Variants in NDUFAF6 observed in about 807,000 individuals in gnomAD.
NDUFAF6 encodes the protein NADH:ubiquinone oxidoreductase complex assembly factor 6.
In NDUFAF6, 45 loss-of-function variants were observed where a neutral mutation model predicts 40.8. The ratio of observed to expected loss-of-function variants is 1.10; its 90% CI spans 0.87 to 1.42. The LOEUF (loss-of-function observed/expected upper bound fraction) is 1.42, where lower values mean the gene tolerates loss of function less well. Ranked by LOEUF, NDUFAF6 falls within the 40% of genes most tolerant of loss-of-function variation. The pLI is 0.00. For missense variants in NDUFAF6, 435 were observed against 418.5 expected (o/e 1.04, Z -0.34); for synonymous variants, 185 against 155.9 (o/e 1.19, Z -1.39).
downstream of NDUFAF6, among the ~76,000 whole-genome samples, chr8:95,104,830 T>C (rs1190804607): frequency 1.3e-5 from 2 of 152,102 alleles, no homozygotes; most frequent in African/African-American, 2.4e-5. Flanking sequence ...CTACATTGGT[T>C]GGTCAGCACT....
At chr8:94,915,187 G>C (rs1038360341) in intron 1 of NDUFAF6, among the ~76,000 whole-genome samples, 3 of 151,866 alleles carry the variant, frequency 2.0e-5, no homozygotes, top group African/African-American at 7.3e-5. Flanking sequence ...CTGAGCTCAA[G>C]TGATCCTCCC....
intron 3 of NDUFAF6, among the ~76,000 whole-genome samples, chr8:95,037,351 C>T (rs1829622177): frequency 6.6e-6 from 1 of 152,196 alleles, no homozygotes; most frequent in Admixed American, 6.5e-5. Context: ...CAGCTTCAGC[C>T]TTGAGTAAAT....
upstream of NDUFAF6, among the ~76,000 whole-genome samples, chr8:95,024,228 T>A (rs1827831227): frequency 6.6e-6 from 1 of 152,204 alleles, no homozygotes; most frequent in South Asian, 2.1e-4. Flanking sequence ...ATTTTGAATG[T>A]TTGGATCTTA....
In NDUFAF6 at chr8:95,035,554, C is replaced by T. The variant is rs906392027; in HGVS notation, c.398C>T (p.Pro133Leu). ...DIYCDNPPHQ[P>L]VAIELWKAVK... is the part of the protein sequence containing the mutation. Reference sequence around the variant, plus strand: ...TACTGTGACAATCCACCACATCAGCCTGTGGCCATTGAACTATGGAAGGTA... The same window carrying T: ...TACTGTGACAATCCACCACATCAGCTTGTGGCCATTGAACTATGGAAGGTA... The change falls in exon 3 of 9, where the codon CCT becomes CTT. Residue 133 changes from proline to leucine, a missense_variant. Coordinates refer to ENST00000396124, the MANE Select transcript of NDUFAF6 (RefSeq NM_152416.4). 1.2e-6 allele frequency: 2 copies of T among 1,609,278 alleles called. No homozygotes were observed. Among genetic ancestry groups the T allele is most frequent in the African/African-American group, 2.7e-5 (2 of 73,450 alleles).
At chr8:95,028,706 A>G (rs1018511413) in intron 1 of NDUFAF6, among the ~76,000 whole-genome samples, 6 of 152,184 alleles carry the variant, frequency 3.9e-5, no homozygotes, top group Non-Finnish European at 5.9e-5. Context: ...ATTGGGAAAT[A>G]GACAGGAGTG....
intron 2 of NDUFAF6, among the ~76,000 whole-genome samples, chr8:95,101,462 C>A (rs1170688985): frequency 6.6e-6 from 1 of 152,178 alleles, no homozygotes; most frequent in Non-Finnish European, 1.5e-5. Context: ...GCGCTCACAG[C>A]TGGGCAGGAC....
intron 2 of NDUFAF6, among the ~76,000 whole-genome samples, chr8:95,091,632 A>G (rs979173408): frequency 6.6e-6 from 1 of 151,318 alleles, no homozygotes; most frequent in African/African-American, 2.4e-5. Context: ...AAATAACTCA[A>G]TTGTTCATCT....
downstream of NDUFAF6, among the ~76,000 whole-genome samples, chr8:95,077,470 C>G (rs1291171452): frequency 6.6e-6 from 1 of 152,218 alleles, no homozygotes. Flanking sequence ...ATAGGAACGT[C>G]TACAACGTGG....
chr8:94,940,769 G>T, intron 1 of NDUFAF6: 1 of 1,284,108 alleles, frequency 7.8e-7, no homozygotes, highest in South Asian at 1.3e-5. Context: ...TGCAAAAACT[G>T]AGATGCAAGT....
intron 1 of NDUFAF6, among the ~76,000 whole-genome samples, chr8:94,914,002 G>A (rs1818954852): frequency 1.3e-5 from 2 of 152,114 alleles, no homozygotes; most frequent in South Asian, 4.1e-4. Flanking sequence ...ATATTGGCCA[G>A]GCTGGTCTTG....
chr8:95,082,395 G>A (rs932588091), intron 2 of NDUFAF6, among the ~76,000 whole-genome samples: 3 of 152,234 alleles, frequency 2.0e-5, no homozygotes, highest in African/African-American at 7.2e-5. Context: ...TGGGATGGGA[G>A]GGTGTGAGGA....
chr8:94,935,746 C>G (rs564329478), intron 1 of NDUFAF6, among the ~76,000 whole-genome samples: 18 of 152,224 alleles, frequency 1.2e-4, no homozygotes, highest in African/African-American at 4.1e-4. Context: ...GATTGGAGAA[C>G]ATAAAAATGC....
At chr8:95,100,666 ACGC>A (rs2132075913) in intron 1 of NDUFAF6, 2 of 152,338 alleles carry the variant, frequency 1.3e-5, no homozygotes, top group South Asian at 4.1e-4. Context: ...TGGCTAAATG[ACGC>A]AGCTTCCAGT....
At chr8:94,961,504 C>T (rs1335712599) in intron 1 of NDUFAF6, among the ~76,000 whole-genome samples, 3 of 152,234 alleles carry the variant, frequency 2.0e-5, no homozygotes, top group Admixed American at 6.5e-5. Flanking sequence ...TCACTGCAAC[C>T]TCCGCCTCCC....
At chr8:94,904,208 A>T (rs1818219987) in intron 1 of NDUFAF6, among the ~76,000 whole-genome samples, 1 of 148,444 alleles carries the variant, frequency 6.7e-6, no homozygotes, top group African/African-American at 2.5e-5. Context: ...CAGTGGCGCG[A>T]TCTCGGCTCA....
chr8:95,046,553 C>T (rs1260683481), intron 5 of NDUFAF6, among the ~76,000 whole-genome samples: 2 of 152,048 alleles, frequency 1.3e-5, no homozygotes, highest in Non-Finnish European at 2.9e-5. Context: ...AATACAAGTC[C>T]CCATTGCATC....
downstream of NDUFAF6, among the ~76,000 whole-genome samples, chr8:95,104,523 A>T (rs544376369): frequency 3.3e-5 from 5 of 152,172 alleles, no homozygotes; most frequent in East Asian, 7.7e-4. Flanking sequence ...AAAGGTACTG[A>T]CTTTCCTTTT....
At chr8:95,036,619 G>A (rs1829536652) in intron 3 of NDUFAF6, 1 of 710,376 alleles carries the variant, frequency 1.4e-6, no homozygotes, top group Non-Finnish European at 2.0e-6. Context: ...CACCTAAATC[G>A]GAGTATAGTG....
chr8:94,934,027 A>G (rs1820719331), intron 1 of NDUFAF6, among the ~76,000 whole-genome samples: 1 of 152,012 alleles, frequency 6.6e-6, no homozygotes, highest in East Asian at 1.9e-4. Context: ...CAGTGAGCCA[A>G]GATTGCAACA....
Sources: allele counts gnomAD v4.1 joint callset (sites outside exome capture counted in the v4.1 genomes callset), GRCh38; gene constraint gnomAD v4.1.1; transcripts MANE v1.5; gene names NCBI Gene and HGNC (gene_info 2026-07-23, HGNC 2026-07-21).